Variants in WDR64 observed in about 807,000 individuals in gnomAD.
WDR64 encodes WD repeat-containing protein 64.
In WDR64, 112 loss-of-function variants were observed where a neutral mutation model predicts 139.3. The observed-to-expected ratio is 0.80, with a 90% confidence interval of 0.69 to 0.94. The LOEUF (loss-of-function observed/expected upper bound fraction) is 0.94. Ranked by LOEUF, WDR64 falls within the 40% of genes least tolerant of loss-of-function variation. The pLI is 0.00. For synonymous variants in WDR64, 444 were observed against 437.7 expected (o/e 1.01, Z -0.18); for missense variants, 1,206 against 1,293.1 (o/e 0.93, Z 1.03).
At chr1:241,790,045 T>C (rs1291983284) in intron 24 of WDR64, among the ~76,000 whole-genome samples, 2 of 152,082 alleles carry the variant, frequency 1.3e-5, no homozygotes, top group African/African-American at 4.8e-5. Flanking sequence ...CCAAGGGCTA[T>C]TAGTGAATTT....
intron 8 of WDR64, among the ~76,000 whole-genome samples, chr1:241,698,300 A>C (rs1180587974): frequency 6.6e-6 from 1 of 152,046 alleles, no homozygotes; most frequent in Non-Finnish European, 1.5e-5. Flanking sequence ...CAAACCAGTA[A>C]TCACCAAATT....
At chr1:241,766,012 T>C (rs1658149238) in intron 15 of WDR64, among the ~76,000 whole-genome samples, 2 of 152,170 alleles carry the variant, frequency 1.3e-5, no homozygotes, top group Admixed American at 1.3e-4. Context: ...GAAGAGTATA[T>C]ATTTGTTGAT....
In WDR64 at chr1:241,741,504, C is replaced by T. The variant is rs546170865; in HGVS notation, c.1322-12C>T. On this transcript the variant is annotated splice_polypyrimidine_tract_variant and intron_variant, in intron 11 of 27. Transcript: ENST00000437684. The stretch of plus-strand genomic sequence containing the variant: ...ATATTGCATATTTATGAGATTCTTA[C>T]TTCTGTTCCAGGATCTAGTGTTATG... 6.3e-7 allele frequency: 1 copy of T among 1,585,890 alleles called. No individual in the cohort carries two copies. The highest frequency in any genetic ancestry group is 8.5e-7 in the Non-Finnish European group (1 of 1,170,812).
chr1:241,784,953 G>GGAAAAAA lies in WDR64; in HGVS notation c.2705+1572_2705+1573insGAAAAAA, dbSNP rs766802128. On this transcript the variant is annotated intron_variant, in intron 23 of 27. Transcript: ENST00000437684. ...TGGGCGACAGAGTGAGACTCTGTCT[G>GGAAAAAA]AAAAAAAAAAAAAAAAAAAAAAAGA... Among the ~76,000 whole-genome samples, 41 of 62,240 alleles carry GGAAAAAA rather than the reference G, an allele frequency of 6.6e-4. 4 individuals are homozygous for GGAAAAAA. Among genetic ancestry groups the GGAAAAAA allele is most frequent in the East Asian group, 1.8e-3 (3 of 1,646 alleles). 40.8% of individuals were successfully genotyped at this position (62,240 alleles called of 152,430 possible).
intron 27 of WDR64, among the ~76,000 whole-genome samples, chr1:241,798,957 G>GTGAACTT (rs1410579709): frequency 2.0e-5 from 3 of 152,034 alleles, no homozygotes; most frequent in African/African-American, 7.2e-5. Context: ...AGGGAAGAAA[G>GTGAACTT]TGAACTTTGG....
intron 21 of WDR64, among the ~76,000 whole-genome samples, chr1:241,779,017 T>TC (rs1165276900): frequency 6.6e-6 from 1 of 152,178 alleles, no homozygotes; most frequent in Non-Finnish European, 1.5e-5. Flanking sequence ...TTTTCTTTTT[T>TC]CTGAACTTCT....
intron 24 of WDR64, among the ~76,000 whole-genome samples, chr1:241,789,497 A>T (rs891026985): frequency 6.6e-6 from 1 of 152,210 alleles, no homozygotes; most frequent in South Asian, 2.1e-4. Context: ...TCAGTGGTAG[A>T]CTGGATAAAG....
Position 241,710,597 on chromosome 1 carries a change from G to A in WDR64, c.975-1205G>A, listed in dbSNP as rs948110987. On this transcript the variant is annotated intron_variant, in intron 8 of 27. Coordinates refer to ENST00000437684, the MANE Select transcript of WDR64 (RefSeq NM_001367482.1). ...GTTACATTTAAGCTGACACCCAAAGGAGGATGGTTGTTAGTGGGGCTGGGG... is the reference window on the plus strand; with the variant it reads ...GTTACATTTAAGCTGACACCCAAAGAAGGATGGTTGTTAGTGGGGCTGGGG... Among the ~76,000 whole-genome samples the A allele has an allele frequency of 1.2e-4, 19 of 152,300 alleles. No homozygotes were observed. The East Asian group carries it at 3.7e-3, about 29-fold the overall frequency.
intron 23 of WDR64, among the ~76,000 whole-genome samples, chr1:241,786,338 A>T (rs1659036273): frequency 6.6e-6 from 1 of 152,214 alleles, no homozygotes; most frequent in African/African-American, 2.4e-5. Context: ...TGCAGGGCTC[A>T]TGATGATGAT....
intron 9 of WDR64, among the ~76,000 whole-genome samples, chr1:241,721,064 T>C (rs142271388): frequency 0.017 from 2,628 of 152,294 alleles, 29 homozygotes; most frequent in Non-Finnish European, 0.025. Context: ...CCTTTCCCCA[T>C]TGCTTGTTTT....
intron 9 of WDR64, among the ~76,000 whole-genome samples, chr1:241,716,906 T>A (rs887146775): frequency 1.3e-5 from 2 of 152,202 alleles, no homozygotes; most frequent in African/African-American, 4.8e-5. Flanking sequence ...GAGGCCTAGA[T>A]ATTTCTCAGG....
intron 8 of WDR64, among the ~76,000 whole-genome samples, chr1:241,688,430 T>C (rs748445205): frequency 1.4e-4 from 22 of 152,150 alleles, no homozygotes; most frequent in Admixed American, 1.3e-4. Flanking sequence ...TTTTATGATA[T>C]GCAAATGTTA....
intron 10 of WDR64, among the ~76,000 whole-genome samples, chr1:241,735,777 C>T (rs192639594): frequency 8.1e-5 from 12 of 147,380 alleles, no homozygotes; most frequent in African/African-American, 2.7e-4. Flanking sequence ...TCAAGTGATC[C>T]GCCTGCCTCG....
rs1236846690 is a variant in WDR64, at chr1:241,802,234, T to C, written c.*1019T>C. On this transcript the variant is annotated 3_prime_UTR_variant, in exon 28 of 28. Coordinates refer to ENST00000437684, the MANE Select transcript of WDR64 (RefSeq NM_001367482.1). ...GCAATTAAAGGGAATAAAATGCTAA[T>C]GCATGCATTAACATAGACCAATCTC... is the stretch of plus-strand genomic sequence containing the variant. 2.9e-5 allele frequency: 10 copies of C among 342,542 alleles called. No homozygotes were observed. The highest frequency in any genetic ancestry group is 5.0e-5 in the Non-Finnish European group (10 of 201,898). 21.2% of individuals were successfully genotyped at this position (342,542 alleles called of 1,614,324 possible).
rs1423000993 is a variant in WDR64 at position 241,687,613 on chromosome 1, T to A, written c.974+18T>A. On this transcript the variant is annotated intron_variant, in intron 8 of 27. Transcript: ENST00000437684. The stretch of plus-strand genomic sequence containing the variant: ...GATAATTTGTAAGTATAGTAATTTA[T>A]ATACATGAACAGTCTGTGAATTTCA... 3.7e-6 allele frequency: 6 copies of A among 1,605,260 alleles called. No individual in the cohort carries two copies. In the East Asian group the frequency reaches 6.7e-5, roughly 18 times the overall value.
chr1:241,699,517 ATGATACAGATGTAAGAGAGGG>A (rs1667623439), intron 8 of WDR64, among the ~76,000 whole-genome samples: 1 of 152,218 alleles, frequency 6.6e-6, no homozygotes, highest in South Asian at 2.1e-4. Flanking sequence ...GATAAGTGCC[ATGATACAGATGTAAGAGAGGG>A]GTATGACAGG....
intron 14 of WDR64, among the ~76,000 whole-genome samples, chr1:241,754,973 A>G (rs1212640990): frequency 1.3e-5 from 2 of 152,076 alleles, no homozygotes; most frequent in African/African-American, 2.4e-5. Flanking sequence ...TCTATCATTG[A>G]TGGGCATTTA....
At chr1:241,664,901 T>C (rs546955064) in intron 2 of WDR64, among the ~76,000 whole-genome samples, 2 of 152,244 alleles carry the variant, frequency 1.3e-5, no homozygotes, top group African/African-American at 4.8e-5. Context: ...TAAGTTCATG[T>C]GACATTATCC....
At chr1:241,761,012 A>G (rs1657859681) in intron 15 of WDR64, among the ~76,000 whole-genome samples, 1 of 152,074 alleles carries the variant, frequency 6.6e-6, no homozygotes, top group African/African-American at 2.4e-5. Context: ...AAATGCTAAT[A>G]CAATCATCCT....
Sources: gnomAD v4.1 joint callset for allele counts (sites outside exome capture counted in the v4.1 genomes callset) on GRCh38, gnomAD v4.1.1 for gene constraint, MANE v1.5 for transcripts, NCBI Gene and HGNC (gene_info 2026-07-23, HGNC 2026-07-21) for gene names.